Variants in KNTC1 observed in about 807,000 individuals in gnomAD.
KNTC1 encodes the protein kinetochore associated 1, also known as kinetochore-associated protein 1.
Under a neutral mutation model 314.4 loss-of-function variants are expected in KNTC1, and 253 were observed. That is an observed-to-expected ratio of 0.80 (90% CI 0.73 to 0.89). The LOEUF (loss-of-function observed/expected upper bound fraction) is 0.89, where lower values mean the gene tolerates loss of function less well. Ranked by LOEUF, KNTC1 falls within the 40% of genes least tolerant of loss-of-function variation. The pLI, the probability that KNTC1 is intolerant of heterozygous loss-of-function variation, is 0.00. For synonymous variants in KNTC1, 901 were observed against 901.4 expected, an observed-to-expected ratio of 1.00 and a Z score of 0.01; for missense variants, 2,475 against 2,572.9, an observed-to-expected ratio of 0.96 and a Z score of 0.82.
chr12:122,594,066 G>A (rs1870694431), intron 42 of KNTC1: 2 of 522,928 alleles, frequency 3.8e-6, no homozygotes, highest in African/African-American at 1.9e-5. Flanking sequence ...AAGAGGCAAT[G>A]GTTAGGATGA....
chr12:122,557,587 A>G lies in KNTC1; in HGVS notation c.1399-13A>G. On this transcript the variant is annotated splice_polypyrimidine_tract_variant and intron_variant, in intron 17 of 63. Coordinates refer to ENST00000333479, the MANE Select transcript of KNTC1 (RefSeq NM_014708.6). Reference sequence around the variant, plus strand: ...ATTAGGTTGCCTTACTGTGTCTGGCATTTGTGAAACAGGATGATGAATTTG... The same window carrying G: ...ATTAGGTTGCCTTACTGTGTCTGGCGTTTGTGAAACAGGATGATGAATTTG... 6.2e-7 allele frequency: 1 copy of G among 1,613,054 alleles called. No homozygotes were observed. Among genetic ancestry groups the G allele is most frequent in the Non-Finnish European group, 8.5e-7 (1 of 1,179,394 alleles).
rs1565949270 is a variant in KNTC1, at chr12:122,554,079, AT to A, written c.1272+2384del. ...AATACTTCCTTAAAAAAAAAAAAAT[AT>A]ATATATATATATATATATATTTGTA... On this transcript the variant is annotated intron_variant, in intron 16 of 63. Transcript: ENST00000333479. Among the ~76,000 whole-genome samples the A allele has an allele frequency of 2.6e-4, 31 of 118,328 alleles. No individual in the cohort carries two copies. The East Asian group carries it at 3.9e-3, about 15-fold the overall frequency. The allele number at this position is 118,328 out of a possible 152,430, so 77.6% of individuals were successfully genotyped here. A position where few individuals can be genotyped will look rare whatever the true frequency, so the allele number is the denominator to read the frequency against.
intron 42 of KNTC1, chr12:122,592,802 C>T (rs1243793254): frequency 6.6e-6 from 1 of 152,318 alleles, no homozygotes; most frequent in Non-Finnish European, 1.5e-5. Context: ...AGCAGGCTGC[C>T]CGAGTCAGCA....
chr12:122,608,623 G>C (rs955224805), intron 51 of KNTC1, among the ~76,000 whole-genome samples: 2 of 152,066 alleles, frequency 1.3e-5, no homozygotes, highest in African/African-American at 4.8e-5. Flanking sequence ...GTAAGTTCAA[G>C]GTACACACTA....
intron 39 of KNTC1, among the ~76,000 whole-genome samples, chr12:122,588,136 G>A (rs1869633943): frequency 6.6e-6 from 1 of 152,198 alleles, no homozygotes; most frequent in African/African-American, 2.4e-5. Context: ...ATTCAGGGAG[G>A]TGGAATAAGT....
chr12:122,621,096 A>G (rs895001584), intron 60 of KNTC1, among the ~76,000 whole-genome samples: 1 of 152,206 alleles, frequency 6.6e-6, no homozygotes, highest in South Asian at 2.1e-4. Context: ...GGCTACAAGG[A>G]AGGCAGCAGA....
chr12:122,598,545 C>T lies in KNTC1; in HGVS notation c.4563+607C>T, dbSNP rs183575613. On this transcript the variant is annotated intron_variant, in intron 44 of 63. Transcript: ENST00000333479. ...AAGTGATACTCCAGCCTCAGCCTCC[C>T]GAATAGCTGGAATTACAGGTGTGCA... is the stretch of plus-strand genomic sequence containing the variant. Among the ~76,000 whole-genome samples, 7 of 151,352 alleles carry T rather than the reference C, an allele frequency of 4.6e-5. No individual in the cohort carries two copies. In the East Asian group the frequency reaches 9.7e-4, roughly 21 times the overall value.
In KNTC1 at chr12:122,551,510, T is replaced by G. The variant is rs1283018348; in HGVS notation, c.1183T>G (p.Leu395Val). The part of the protein sequence containing the change: ...VLVLRCLTEA[L>V]PENRLSRLLH... ...AGTACTCAGATGTCTTACGGAAGCT[T>G]TACCAGAAAACAGGTAACTTCTCAT... The change falls in exon 15 of 64, where the codon TTA becomes GTA. Residue 395 changes from leucine to valine, a missense_variant. By Grantham distance (32) the Leu-to-Val change is conservative. Transcript: ENST00000333479. The G allele has an allele frequency of 1.2e-6, 2 of 1,603,690 alleles. No individual in the cohort carries two copies. The highest frequency in any genetic ancestry group is 1.7e-4 in the Middle Eastern group (1 of 6,044).
At chr12:122,570,120 G>A (rs879768381) in intron 22 of KNTC1, among the ~76,000 whole-genome samples, 2 of 152,098 alleles carry the variant, frequency 1.3e-5, no homozygotes, top group Non-Finnish European at 2.9e-5. Context: ...TTTAACTCAC[G>A]GCCATAGAGA....
In KNTC1 at chr12:122,582,664, T is replaced by G. The variant is rs1242351828; in HGVS notation, c.2983-41T>G. 2.0e-6 allele frequency: 3 copies of G among 1,506,268 alleles called. No individual in the cohort carries two copies. In the Admixed American group the frequency reaches 6.7e-5, roughly 33 times the overall value. 93.3% of individuals were successfully genotyped at this position (1,506,268 alleles called of 1,614,324 possible). On this transcript the variant is annotated intron_variant, in intron 33 of 63. Coordinates refer to ENST00000333479, the MANE Select transcript of KNTC1 (RefSeq NM_014708.6). ...AAAATGATTATTTTAAACAATAGAT[T>G]AAACAGACTTGGGACTTTGTCTTGC...
intron 52 of KNTC1, 21 bp from the exon 53 acceptor site, chr12:122,610,801 T>G: frequency 6.6e-7 from 1 of 1,513,716 alleles, no homozygotes; most frequent in Non-Finnish European, 9.2e-7. Context: ...AAAATGACTG[T>G]AATTAAAATT....
chr12:122,592,903 C>T (rs550126660), intron 42 of KNTC1: 2 of 152,496 alleles, frequency 1.3e-5, no homozygotes, highest in South Asian at 2.1e-4. Context: ...TGGGTCCACG[C>T]TGTTTTTATG....
chr12:122,596,079 C>CTTTTTTTTT (rs1200717202), intron 43 of KNTC1, among the ~76,000 whole-genome samples: 4 of 111,422 alleles, frequency 3.6e-5, no homozygotes, highest in Non-Finnish European at 5.4e-5. Flanking sequence ...TAACCAGATT[C>CTTTTTTTTT]TTTTTTTTTT....
At chr12:122,531,689 G>A (rs547375900) in intron 2 of KNTC1, among the ~76,000 whole-genome samples, 5 of 152,024 alleles carry the variant, frequency 3.3e-5, no homozygotes, top group East Asian at 1.9e-4. Flanking sequence ...CGAGACATCT[G>A]AAAGCACAGT....
intron 1 of KNTC1, 64 bp from the exon 2 acceptor site, chr12:122,529,927 C>A: frequency 2.3e-6 from 2 of 885,014 alleles, no homozygotes; most frequent in Non-Finnish European, 3.3e-6. Context: ...TAATGTTAGA[C>A]TTTTGTTTTT....
chr12:122,577,334 G>A (rs1189259596), intron 30 of KNTC1, among the ~76,000 whole-genome samples: 1 of 151,916 alleles, frequency 6.6e-6, no homozygotes, highest in South Asian at 2.1e-4. Flanking sequence ...ATCTAGGATC[G>A]TATTTTAAAT....
At chr12:122,566,786 G>T (rs1418783845) in intron 20 of KNTC1, among the ~76,000 whole-genome samples, 3 of 134,016 alleles carry the variant, frequency 2.2e-5, no homozygotes, top group African/African-American at 2.8e-5. Context: ...TTTTGAGGTG[G>T]GGTCTCACTC....
intron 29 of KNTC1, 44 bp from the exon 30 acceptor site, chr12:122,576,851 C>A (rs781087771): frequency 3.4e-6 from 5 of 1,452,518 alleles, no homozygotes; most frequent in South Asian, 1.5e-5. Flanking sequence ...TCTTGGTTTT[C>A]TGTGAGTTCT....
chr12:122,582,777 C>CA lies in KNTC1; in HGVS notation c.3056dup (p.His1019GlnfsTer3). ...CCTGGTAGCAGATCTCCGTGAGCAGCACATTAAAGCTCACGAAGTTGCACA... is the reference window on the plus strand; with the variant it reads ...CCTGGTAGCAGATCTCCGTGAGCAGCAACATTAAAGCTCACGAAGTTGCACA... On this transcript the variant is annotated frameshift_variant, in exon 34 of 64. Coordinates refer to ENST00000333479, the MANE Select transcript of KNTC1 (RefSeq NM_014708.6). LOFTEE classifies it high-confidence loss of function. 1 of 1,612,646 alleles carries CA rather than the reference C, an allele frequency of 6.2e-7. No homozygotes were observed. Among genetic ancestry groups the CA allele is most frequent in the Non-Finnish European group, 8.5e-7 (1 of 1,179,440 alleles).
Sources: gnomAD v4.1 joint callset for allele counts (sites outside exome capture counted in the v4.1 genomes callset) on GRCh38, gnomAD v4.1.1 for gene constraint, MANE v1.5 for transcripts, NCBI Gene and HGNC (gene_info 2026-07-23, HGNC 2026-07-21) for gene names.